EPB41L3: variants seen among roughly 807,000 people sequenced by gnomAD.
EPB41L3 encodes erythrocyte membrane protein band 4.1 like 3, also known as band 4.1-like protein 3.
In EPB41L3, 57 loss-of-function variants were observed where a neutral mutation model predicts 127.1. The ratio of observed to expected loss-of-function variants is 0.45; its 90% CI spans 0.36 to 0.56. EPB41L3 has a LOEUF of 0.56. Among genes scored for constraint, EPB41L3 ranks in the 20% least tolerant of loss-of-function variants. The pLI is 0.00. For missense variants in EPB41L3, 1,273 were observed against 1,372.2 expected, an observed-to-expected ratio of 0.93 and a Z score of 1.14; for synonymous variants, 572 against 549.5, an observed-to-expected ratio of 1.04 and a Z score of -0.57.
intron 3 of EPB41L3, among the ~76,000 whole-genome samples, chr18:5,454,911 G>A (rs2082805384): frequency 6.6e-6 from 1 of 152,204 alleles, no homozygotes; most frequent in Non-Finnish European, 1.5e-5. Flanking sequence ...CCTACCCACT[G>A]AAAGTTTGTC....
chr18:5,563,573 G>C (rs188942734), intron 3 of EPB41L3, among the ~76,000 whole-genome samples: 29 of 152,260 alleles, frequency 1.9e-4, no homozygotes, highest in Non-Finnish European at 4.0e-4. Flanking sequence ...AGGACTTGAC[G>C]TCCCATTACT....
chr18:5,415,959 A>G lies in EPB41L3; in HGVS notation c.1926T>C (p.Phe642=), dbSNP rs1225089310. The change falls in exon 13 of 23, where the codon TTT becomes TTC. Residue 642 remains phenylalanine (F), a synonymous_variant. Coordinates refer to ENST00000341928, the MANE Select transcript of EPB41L3 (RefSeq NM_012307.5). ...GCACTGAGAAGGAGGCAGACAGCAG[A>G]AAGAAAAAGATGAAGAGGAAACAGG... The part of the protein sequence containing the change: ...LVPCFLFIFF[F]LLSASFSVPY... 1 of 1,614,146 alleles carries G rather than the reference A, an allele frequency of 6.2e-7. No homozygotes were observed. The highest frequency in any genetic ancestry group is 1.3e-5 in the African/African-American group (1 of 75,028).
chr18:5,568,427 T>TG (rs756172219), intron 3 of EPB41L3, among the ~76,000 whole-genome samples: 5 of 109,332 alleles, frequency 4.6e-5, no homozygotes, highest in Non-Finnish European at 9.1e-5. Context: ...CTCTGGATAG[T>TG]AAAAAAAAAA....
At chr18:5,402,091 A>G (rs1440729313) in intron 16 of EPB41L3, among the ~76,000 whole-genome samples, 1 of 151,578 alleles carries the variant, frequency 6.6e-6, no homozygotes, top group African/African-American at 2.4e-5. Context: ...ATTCTGCAGG[A>G]CCTACCCTGA....
chr18:5,596,600 A>G (rs1033656849), intron 3 of EPB41L3, among the ~76,000 whole-genome samples: 5 of 152,116 alleles, frequency 3.3e-5, no homozygotes, highest in Non-Finnish European at 5.9e-5. Flanking sequence ...GTTTTACCTG[A>G]TATTGCTGAG....
Position 5,416,061 on chromosome 18 carries a change from G to A in EPB41L3, c.1824C>T (p.Phe608=), listed in dbSNP as rs1179173596. The A allele has an allele frequency of 1.2e-6, 2 of 1,613,530 alleles. No homozygotes were observed. The highest frequency in any genetic ancestry group is 1.7e-6 in the Non-Finnish European group (2 of 1,179,714). The change falls in exon 13 of 23, where the codon TTC becomes TTT. Residue 608 remains phenylalanine (F), a synonymous_variant. Coordinates refer to ENST00000341928, the MANE Select transcript of EPB41L3 (RefSeq NM_012307.5). ...GGAGGTTGGTTTCAGAAAGGTTGGG[G>A]AAAGAGAGGTATCCATCATCATCTA... The part of the protein sequence containing the change: ...SLLDDDGYLS[F]PNLSETNLLP...
At chr18:5,514,473 A>G (rs1054339216) in intron 1 of EPB41L3, among the ~76,000 whole-genome samples, 3 of 152,222 alleles carry the variant, frequency 2.0e-5, no homozygotes, top group Non-Finnish European at 2.9e-5. Flanking sequence ...ATTTGTACAT[A>G]AATATTATAA....
intron 3 of EPB41L3, among the ~76,000 whole-genome samples, chr18:5,474,516 T>C (rs1049616375): frequency 6.6e-6 from 1 of 152,166 alleles, no homozygotes; most frequent in African/African-American, 2.4e-5. Flanking sequence ...CAGGTGACTA[T>C]AAATTCTCAT....
intron 3 of EPB41L3, among the ~76,000 whole-genome samples, chr18:5,446,833 T>C (rs2081546698): frequency 6.6e-6 from 1 of 152,260 alleles, no homozygotes; most frequent in East Asian, 1.9e-4. Flanking sequence ...ACATTGCTCA[T>C]CGGCTATGAA....
chr18:5,629,697 G>A (rs1167058935), upstream of EPB41L3, among the ~76,000 whole-genome samples: 2 of 152,118 alleles, frequency 1.3e-5, no homozygotes, highest in Non-Finnish European at 1.5e-5. Context: ...GGACGGATTC[G>A]GAGGGAGCAC....
chr18:5,475,521 C>T (rs1229135351), intron 3 of EPB41L3, among the ~76,000 whole-genome samples: 1 of 152,214 alleles, frequency 6.6e-6, no homozygotes, highest in East Asian at 1.9e-4. Context: ...CACTATGCTT[C>T]CACGGAAACA....
At chr18:5,443,952 ACTCTCC>A in intron 4 of EPB41L3, 72 bp from the exon 5 acceptor site, 2 of 1,312,898 alleles carry the variant, frequency 1.5e-6, no homozygotes, top group Non-Finnish European at 2.2e-6. Flanking sequence ...TTAGGTACAG[ACTCTCC>A]CTAAATGCAG....
chr18:5,469,284 T>C (rs898684320), intron 3 of EPB41L3, among the ~76,000 whole-genome samples: 16 of 152,284 alleles, frequency 1.1e-4, no homozygotes, highest in Non-Finnish European at 1.9e-4. Context: ...GGTCTGTGGT[T>C]TCTGGCATCT....
intron 22 of EPB41L3, 108 bp from the exon 23 acceptor site, chr18:5,393,586 A>G (rs2072746077): frequency 9.1e-6 from 6 of 660,008 alleles, no homozygotes; most frequent in Non-Finnish European, 1.6e-5. Flanking sequence ...TCGTTTGGAC[A>G]AGATGCCATG....
intron 3 of EPB41L3, among the ~76,000 whole-genome samples, chr18:5,560,832 A>T (rs1359863997): frequency 6.6e-6 from 1 of 152,182 alleles, no homozygotes; most frequent in Non-Finnish European, 1.5e-5. Context: ...TTATGGTCAC[A>T]TGAGGCAAAT....
At chr18:5,498,567 C>T (rs1000015743) in intron 1 of EPB41L3, among the ~76,000 whole-genome samples, 2 of 106,800 alleles carry the variant, frequency 1.9e-5, no homozygotes, top group Non-Finnish European at 3.4e-5. Context: ...GAACTCCTGC[C>T]TGGGTAACAA....
intron 13 of EPB41L3, among the ~76,000 whole-genome samples, chr18:5,415,407 T>A (rs151206919): frequency 2.0e-5 from 3 of 152,332 alleles, no homozygotes; most frequent in Non-Finnish European, 4.4e-5. Flanking sequence ...GGGGATGCAC[T>A]CTTCCACCTC....
chr18:5,617,669 G>A (rs2094814443), intron 1 of EPB41L3, among the ~76,000 whole-genome samples: 1 of 152,220 alleles, frequency 6.6e-6, no homozygotes, highest in African/African-American at 2.4e-5. Flanking sequence ...TATAGGGTCA[G>A]CAATCCTTTC....
intron 1 of EPB41L3, among the ~76,000 whole-genome samples, chr18:5,615,505 T>C (rs1183718881): frequency 1.3e-5 from 2 of 152,172 alleles, no homozygotes; most frequent in Admixed American, 6.5e-5. Flanking sequence ...GACCTACTAT[T>C]TGAGAACACT....
Sources: allele counts gnomAD v4.1 joint callset (sites outside exome capture counted in the v4.1 genomes callset), GRCh38; gene constraint gnomAD v4.1.1; transcripts MANE v1.5; gene names NCBI Gene and HGNC (gene_info 2026-07-23, HGNC 2026-07-21).